The following MTSS1 variants were observed in gnomAD, a reference collection of about 807,000 sequenced individuals.
MTSS1 encodes MTSS I-BAR domain containing 1.
MTSS1 carries 18 observed loss-of-function variants against 79.0 expected under a neutral mutation model. The observed-to-expected ratio is 0.23, with a 90% CI of 0.16 to 0.34. The LOEUF (loss-of-function observed/expected upper bound fraction) is 0.34. Ranked by LOEUF, MTSS1 falls within the 10% of genes least tolerant of loss-of-function variation. The pLI, the probability that MTSS1 is intolerant of heterozygous loss-of-function variation, is 1.00. For synonymous variants in MTSS1, 341 were observed against 368.6 expected (o/e 0.93, Z 0.86); for missense variants, 815 against 986.2 (o/e 0.83, Z 2.33).
At chr8:124,555,391 G>A (rs1453934768) in intron 13 of MTSS1, among the ~76,000 whole-genome samples, 3 of 152,080 alleles carry the variant, frequency 2.0e-5, no homozygotes, top group Non-Finnish European at 2.9e-5. Context: ...GACTACAGGC[G>A]CCTGCCACCA....
intron 1 of MTSS1, among the ~76,000 whole-genome samples, chr8:124,707,465 C>A (rs1165861170): frequency 2.0e-5 from 3 of 151,580 alleles, no homozygotes; most frequent in Non-Finnish European, 1.5e-5. Context: ...CGCCTGTAAT[C>A]CCAGCATTTT....
At chr8:124,636,783 C>T (rs1817079044) in intron 3 of MTSS1, among the ~76,000 whole-genome samples, 1 of 152,178 alleles carries the variant, frequency 6.6e-6, no homozygotes, top group African/African-American at 2.4e-5. Flanking sequence ...AACCACTTTA[C>T]ATTTGGCACA....
chr8:124,599,444 C>G (rs1833359486), intron 3 of MTSS1, among the ~76,000 whole-genome samples: 2 of 143,280 alleles, frequency 1.4e-5, no homozygotes, highest in South Asian at 2.2e-4. Flanking sequence ...GATCACGCCA[C>G]TGCACTCCAG....
intron 3 of MTSS1, among the ~76,000 whole-genome samples, chr8:124,600,272 A>G (rs1472840600): frequency 6.6e-6 from 1 of 152,138 alleles, no homozygotes; most frequent in Non-Finnish European, 1.5e-5. Context: ...TTTTATTAAT[A>G]TCATATCTTT....
At chr8:124,643,246 A>G (rs1818386540) in intron 3 of MTSS1, among the ~76,000 whole-genome samples, 1 of 152,170 alleles carries the variant, frequency 6.6e-6, no homozygotes, top group Non-Finnish European at 1.5e-5. Context: ...GATATGCAAA[A>G]AGATGCACAG....
rs534759708 is a variant in MTSS1, at chr8:124,557,561, G to A, written c.1230+120C>T. 147 of 1,085,806 alleles carry A rather than the reference G, an allele frequency of 1.4e-4. No individual in the cohort carries two copies. In the East Asian group the frequency reaches 3.5e-3, roughly 26 times the overall value. The allele number at this position is 1,085,806 out of a possible 1,614,324, so 67.3% of individuals were successfully genotyped here. ...TTTCCTGAGGGAGAGGCATTATGGGGAAGAAGGCAGAGTGTGAAAGGAAGG... is the reference window on the plus strand; with the variant it reads ...TTTCCTGAGGGAGAGGCATTATGGGAAAGAAGGCAGAGTGTGAAAGGAAGG... On this transcript the variant is annotated intron_variant, in intron 11 of 13. Coordinates refer to ENST00000518547, the MANE Select transcript of MTSS1 (RefSeq NM_014751.6).
In MTSS1 at chr8:124,557,801, AGGGAAAAGGCCTGCACCCGT is replaced by A; in HGVS notation, c.1090_1109del (p.Thr364SerfsTer38). ...GCAGGCGGGAGGCAGGCAGGCAATG[AGGGAAAAGGCCTGCACCCGT>A]GGGCCCCACGTGGGACTCACTTGAT... On this transcript the variant is annotated frameshift_variant, in exon 11 of 14. Coordinates refer to ENST00000518547, the MANE Select transcript of MTSS1 (RefSeq NM_014751.6). LOFTEE classifies it high-confidence loss of function. The A allele has an allele frequency of 6.2e-7, 1 of 1,603,970 alleles. No individual in the cohort carries two copies. The highest frequency in any genetic ancestry group is 8.5e-7 in the Non-Finnish European group (1 of 1,175,342).
chr8:124,621,220 A>T (rs1218577252), intron 3 of MTSS1, among the ~76,000 whole-genome samples: 1 of 152,254 alleles, frequency 6.6e-6, no homozygotes, highest in Non-Finnish European at 1.5e-5. Context: ...AGGGCCAGAT[A>T]AAAAAGCAGG....
intron 3 of MTSS1, among the ~76,000 whole-genome samples, chr8:124,676,186 T>G (rs1176989821): frequency 6.6e-6 from 1 of 152,244 alleles, no homozygotes; most frequent in Non-Finnish European, 1.5e-5. Flanking sequence ...AATTTGATTT[T>G]TAAAAATTAA....
At chr8:124,681,653 T>C (rs1826146861) in intron 3 of MTSS1, among the ~76,000 whole-genome samples, 1 of 152,060 alleles carries the variant, frequency 6.6e-6, no homozygotes, top group Non-Finnish European at 1.5e-5. Context: ...CCGGGTGTGG[T>C]GGCAGGTGCC....
In MTSS1 at chr8:124,623,227, G is replaced by A. The variant is rs149721173; in HGVS notation, c.209-31992C>T. 3.5e-3 allele frequency among the ~76,000 whole-genome samples: 528 copies of A among 152,278 alleles called. 1 individual carries two copies. Among genetic ancestry groups the A allele is most frequent in the Admixed American group, 8.2e-3 (126 of 15,296 alleles). ...TTTCTTGTCTTCTGAACTCACACAC[G>A]TTTATCCTTCTTACGAAGACTACAC... On this transcript the variant is annotated intron_variant, in intron 3 of 13. Coordinates refer to ENST00000518547, the MANE Select transcript of MTSS1 (RefSeq NM_014751.6).
At chr8:124,557,626 G>A (rs1477326833) in intron 11 of MTSS1, 55 bp downstream of exon 11, 1 of 1,473,852 alleles carries the variant, frequency 6.8e-7, no homozygotes, top group Non-Finnish European at 9.3e-7. Flanking sequence ...TGGAACAGAA[G>A]AGGGGTGAGC....
At chr8:124,642,252 C>A (rs568189492) in intron 3 of MTSS1, among the ~76,000 whole-genome samples, 1 of 152,078 alleles carries the variant, frequency 6.6e-6, no homozygotes, top group African/African-American at 2.4e-5. Context: ...TTTAATTTAA[C>A]GAATCAATCA....
chr8:124,572,783 C>T (rs1289418244), intron 6 of MTSS1, among the ~76,000 whole-genome samples: 8 of 143,010 alleles, frequency 5.6e-5, no homozygotes, highest in African/African-American at 2.2e-4. Context: ...CGCTCTGTTG[C>T]CCAGGCTGGA....
At chr8:124,592,537 T>C (rs529870547) in intron 3 of MTSS1, among the ~76,000 whole-genome samples, 2 of 152,350 alleles carry the variant, frequency 1.3e-5, no homozygotes, top group South Asian at 2.1e-4. Flanking sequence ...GGGTTGGATT[T>C]TCCTGTGCCC....
At chr8:124,677,240 G>A (rs1825455470) in intron 3 of MTSS1, among the ~76,000 whole-genome samples, 1 of 152,090 alleles carries the variant, frequency 6.6e-6, no homozygotes, top group Non-Finnish European at 1.5e-5. Flanking sequence ...CCAAAGGCAA[G>A]GAAAAGGTAA....
chr8:124,623,923 C>T (rs984228501), intron 3 of MTSS1, among the ~76,000 whole-genome samples: 4 of 152,182 alleles, frequency 2.6e-5, no homozygotes, highest in Non-Finnish European at 4.4e-5. Flanking sequence ...GGATTACAGG[C>T]GGAAGCCACC....
At chr8:124,589,589 C>T (rs374712313) in intron 5 of MTSS1, 31 bp downstream of exon 5, 48 of 1,565,708 alleles carry the variant, frequency 3.1e-5, no homozygotes, top group Middle Eastern at 3.4e-4. Flanking sequence ...CCCCAGCGTG[C>T]AGTGATGCGC....
At chr8:124,638,480 A>C (rs1817433285) in intron 3 of MTSS1, among the ~76,000 whole-genome samples, 1 of 152,222 alleles carries the variant, frequency 6.6e-6, no homozygotes. Context: ...TGAAACAGGA[A>C]GGGGATCACA....
Sources: gnomAD v4.1 joint callset for allele counts (sites outside exome capture counted in the v4.1 genomes callset) on GRCh38, gnomAD v4.1.1 for gene constraint, MANE v1.5 for transcripts, NCBI Gene and HGNC (gene_info 2026-07-23, HGNC 2026-07-21) for gene names.